Variants in PRAG1 observed in about 807,000 individuals in gnomAD.
PRAG1 encodes inactive tyrosine-protein kinase PRAG1.
In PRAG1, 110 loss-of-function variants were observed where a neutral mutation model predicts 95.6. That is an observed-to-expected ratio of 1.15 (90% CI 0.99 to 1.35). The LOEUF (loss-of-function observed/expected upper bound fraction) is 1.35. Among genes scored for constraint, PRAG1 ranks in the 40% most tolerant of loss-of-function variants. The pLI is 0.00. For missense variants in PRAG1, 2,554 were observed against 1,864.7 expected, an observed-to-expected ratio of 1.37 and a Z score of -6.81; for synonymous variants, 1,052 against 819.4, an observed-to-expected ratio of 1.28 and a Z score of -4.85.
intron 3 of PRAG1, among the ~76,000 whole-genome samples, chr8:8,349,635 A>T (rs1171814134): frequency 6.6e-6 from 1 of 151,892 alleles, no homozygotes; most frequent in Non-Finnish European, 1.5e-5. Flanking sequence ...TAAGGGAGCT[A>T]TTTTGCAAAT....
At position 8,377,669 on chromosome 8, in the gene PRAG1, TC is replaced by T. The variant is rs1563257417; in HGVS notation, c.739del (p.Asp247ThrfsTer123). On this transcript the variant is annotated frameshift_variant, in exon 3 of 6. Transcript: ENST00000615670. LOFTEE classifies it high-confidence loss of function. Reference protein sequence around the residue: ...DSDQRCSPSGDSEGGEYCSIL... With the variant: ...DSDQRCSPSGXSEGGEYCSIL... ...GGAGCAGTACTCTCCACCCTCGCTG[TC>T]CCCGGAGGGCGAGCACCTTTGATCA... 6.2e-7 allele frequency: 1 copy of T among 1,613,754 alleles called. No homozygotes were observed. Among genetic ancestry groups the T allele is most frequent in the Admixed American group, 1.7e-5 (1 of 60,020 alleles).
intron 1 of PRAG1, among the ~76,000 whole-genome samples, chr8:8,385,500 G>A (rs573349351): frequency 6.6e-6 from 1 of 152,310 alleles, no homozygotes; most frequent in Admixed American, 6.5e-5. Context: ...TCTCAGAAAG[G>A]GAAGGGGAGA....
intron 4 of PRAG1, among the ~76,000 whole-genome samples, chr8:8,334,783 A>G (rs1308380064): frequency 2.6e-5 from 4 of 151,546 alleles, no homozygotes; most frequent in Non-Finnish European, 5.9e-5. Flanking sequence ...ATTAAAAGTT[A>G]ATTCAAAGCA....
intron 4 of PRAG1, 89 bp downstream of exon 4, chr8:8,339,389 C>A: frequency 1.4e-6 from 2 of 1,407,986 alleles, no homozygotes. Context: ...GTAGTCCTTG[C>A]TCAGCCCTTC....
rs1214071497 is a variant in PRAG1, at chr8:8,318,760, C to G, written c.3615G>C (p.Arg1205=). 3 of 1,585,162 alleles carry G rather than the reference C, an allele frequency of 1.9e-6. No homozygotes were observed. The change falls in exon 6 of 6, where the codon CGG becomes CGC. Residue 1205 remains arginine, a synonymous_variant. Coordinates refer to ENST00000615670, the MANE Select transcript of PRAG1 (RefSeq NM_001080826.3). The surrounding 1 kb of genome is among the most constrained non-coding windows in gnomAD (Gnocchi z 4.2). ...TGATGAGCCGGGGCAGCTGCTTCTC[C>G]CGGGGCCCTTCCGGGGAGGCGGGGC... ...AAGPASPEGP[R]EKQLPRLIIS...
chr8:8,379,370 A>C (rs1800557488), intron 2 of PRAG1, among the ~76,000 whole-genome samples: 1 of 152,048 alleles, frequency 6.6e-6, no homozygotes. Flanking sequence ...CTTTACCCCC[A>C]CTTTTAGAAG....
chr8:8,343,649 A>C (rs1471652386), intron 3 of PRAG1, among the ~76,000 whole-genome samples: 2 of 152,240 alleles, frequency 1.3e-5, no homozygotes, highest in Non-Finnish European at 2.9e-5. Flanking sequence ...AATATGAGTC[A>C]ACAAACTTTT....
intron 5 of PRAG1, among the ~76,000 whole-genome samples, chr8:8,321,052 A>G (rs1798456424): frequency 6.6e-6 from 1 of 152,246 alleles, no homozygotes; most frequent in Non-Finnish European, 1.5e-5. Flanking sequence ...ATACATGCCT[A>G]AAAGGCATTG....
At position 8,339,577 on chromosome 8, in the gene PRAG1, C is replaced by T. The variant is rs1799101362; in HGVS notation, c.2221G>A (p.Ala741Thr). ...CTGAAGGATGGGCTGAGGCTTTCTGCAGAGCCCTGGCTCACTTTTTCCAAA... is the reference window on the plus strand; with the variant it reads ...CTGAAGGATGGGCTGAGGCTTTCTGTAGAGCCCTGGCTCACTTTTTCCAAA... ...SDLEKVSQGS[A>T]ESLSPSFRGV... Residue 741 changes from alanine to threonine, a missense_variant, in exon 4 of 6, where the codon GCA (alanine) becomes ACA (threonine). By Grantham distance (58) the Ala-to-Thr change is moderately conservative (BLOSUM62 0). Transcript: ENST00000615670. The T allele has an allele frequency of 1.9e-6, 3 of 1,614,172 alleles. No homozygotes were observed. Among genetic ancestry groups the T allele is most frequent in the Admixed American group, 3.3e-5 (2 of 60,026 alleles).
At chr8:8,365,359 C>A (rs1469048695) in intron 3 of PRAG1, among the ~76,000 whole-genome samples, 1 of 152,074 alleles carries the variant, frequency 6.6e-6, no homozygotes, top group Non-Finnish European at 1.5e-5. Flanking sequence ...CATGGTGGCT[C>A]ACACCTGTAA....
chr8:8,336,842 A>C (rs79503460), intron 4 of PRAG1, among the ~76,000 whole-genome samples: 16,529 of 151,086 alleles, frequency 0.11, 1,250 homozygotes, highest in Non-Finnish European at 0.17. Flanking sequence ...ACAAAGTTAG[A>C]GATTTCTATT....
At chr8:8,334,925 T>G (rs1200586376) in intron 4 of PRAG1, among the ~76,000 whole-genome samples, 2 of 151,738 alleles carry the variant, frequency 1.3e-5, no homozygotes, top group Non-Finnish European at 2.9e-5. Context: ...CTACTAAAAA[T>G]AGAAAAATTA....
At chr8:8,379,278 T>C (rs1352979169) in intron 2 of PRAG1, among the ~76,000 whole-genome samples, 1 of 152,202 alleles carries the variant, frequency 6.6e-6, no homozygotes, top group East Asian at 1.9e-4. Context: ...GTTGGACTCG[T>C]TGGGCTATGA....
chr8:8,370,115 G>C (rs1258215200), intron 3 of PRAG1, among the ~76,000 whole-genome samples: 1 of 152,212 alleles, frequency 6.6e-6, no homozygotes, highest in East Asian at 1.9e-4. Context: ...TAGACAGAAA[G>C]TCTTAAATGT....
chr8:8,318,721 C>G lies in PRAG1; in HGVS notation c.3654G>C (p.Leu1218Phe). 4 of 1,609,198 alleles carry G rather than the reference C, an allele frequency of 2.5e-6. No individual in the cohort carries two copies. The highest frequency in any genetic ancestry group is 3.4e-6 in the Non-Finnish European group (4 of 1,178,304). The change falls in exon 6 of 6, where the codon TTG becomes TTC. Residue 1218 changes from leucine to phenylalanine, a missense_variant. Physicochemically the swap from Leu to Phe is conservative, Grantham distance 22. Coordinates refer to ENST00000615670, the MANE Select transcript of PRAG1 (RefSeq NM_001080826.3). The surrounding 1 kb of genome is among the most constrained non-coding windows in gnomAD (Gnocchi z 4.2). ...TGCCGCCCGGCTTCTGCTTGGCCTTCAAAAAGTTGCTGATGATGAGCCGGG... is the reference window on the plus strand; with the variant it reads ...TGCCGCCCGGCTTCTGCTTGGCCTTGAAAAAGTTGCTGATGATGAGCCGGG... ...QLPRLIISNF[L>F]KAKQKPGGTP...
chr8:8,380,568 G>C (rs952105868), intron 2 of PRAG1, among the ~76,000 whole-genome samples: 1 of 149,260 alleles, frequency 6.7e-6, no homozygotes, highest in Non-Finnish European at 1.5e-5. Context: ...CTGAGTGACA[G>C]AAAAGAAAAA....
In PRAG1 at chr8:8,319,424, C is replaced by T. The variant is rs141815605; in HGVS notation, c.3073-122G>A. 4,672 of 675,098 alleles carry T rather than the reference C, an allele frequency of 6.9e-3. 26 individuals carry two copies. The highest frequency in any genetic ancestry group is 8.7e-3 in the Non-Finnish European group (3,938 of 450,282). 41.8% of individuals were successfully genotyped at this position (675,098 alleles called of 1,614,324 possible). A position where few individuals can be genotyped will look rare whatever the true frequency, so the allele number is the denominator to read the frequency against. ...ATCCACATAGGCTTAAGGGTAAGAG[C>T]AATCCATACACATGCTAGAAGAAAA... On this transcript the variant is annotated intron_variant, in intron 5 of 5. Transcript: ENST00000615670.
At chr8:8,382,927 T>G (rs1800731967) in intron 1 of PRAG1, among the ~76,000 whole-genome samples, 1 of 152,218 alleles carries the variant, frequency 6.6e-6, no homozygotes, top group South Asian at 2.1e-4. Context: ...AGTGGTGATT[T>G]GCGCATTGCT....
chr8:8,377,607 C>A lies in PRAG1; in HGVS notation c.802G>T (p.Ala268Ser). ...CGGGAACCTGCAGTCTGGGAGGCAG[C>A]CTTGGCAACAGGGCTCCCAGGGCAG... Reference protein sequence around the residue: ...DCCPGSPVAKAASQTAGSRGR... With the variant: ...DCCPGSPVAKSASQTAGSRGR... Residue 268 changes from alanine to serine, a missense_variant, in exon 3 of 6, where the codon GCT becomes TCT. By Grantham distance (99) the Ala-to-Ser change is moderately conservative. Transcript: ENST00000615670. 2.5e-6 allele frequency: 4 copies of A among 1,613,148 alleles called. No homozygotes were observed. Among genetic ancestry groups the A allele is most frequent in the Non-Finnish European group, 2.5e-6 (3 of 1,179,902 alleles).
Sources: allele counts gnomAD v4.1 joint callset (sites outside exome capture counted in the v4.1 genomes callset), GRCh38; gene constraint gnomAD v4.1.1; non-coding constraint Gnocchi (gnomAD v3.1); transcripts MANE v1.5; gene names NCBI Gene and HGNC (gene_info 2026-07-23, HGNC 2026-07-21).